The following EPHA7 variants were observed in gnomAD, a reference collection of about 807,000 sequenced individuals.
EPHA7 encodes EPH receptor A7, also known as ephrin type-A receptor 7.
In EPHA7, 25 loss-of-function variants were observed where a neutral mutation model predicts 112.6. That is an observed-to-expected ratio of 0.22 (90% CI 0.16 to 0.31). The LOEUF (loss-of-function observed/expected upper bound fraction) is 0.31, where lower values mean the gene tolerates loss of function less well. Among genes scored for constraint, EPHA7 ranks in the 10% least tolerant of loss-of-function variants. The probability of loss-of-function intolerance (pLI) is 1.00; values close to 1 mark genes in which losing one functional copy is unlikely to be tolerated. For missense variants in EPHA7, 962 were observed against 1,212.6 expected, an observed-to-expected ratio of 0.79 and a Z score of 3.07; for synonymous variants, 437 against 406.5, an observed-to-expected ratio of 1.07 and a Z score of -0.90.
At position 93,254,809 on chromosome 6, in the gene EPHA7, G is replaced by T. The variant is rs1160890427; in HGVS notation, c.2383-13C>A. On this transcript the variant is annotated splice_polypyrimidine_tract_variant and intron_variant, in intron 13 of 16. Transcript: ENST00000369303. The stretch of plus-strand genomic sequence containing the variant: ...GAATTTTTCCACCCTGTTATAAAAA[G>T]AAATGAACATTTTAAATATGTATAA... 4 of 1,604,714 alleles carry T rather than the reference G, an allele frequency of 2.5e-6. No homozygotes were observed. Among genetic ancestry groups the T allele is most frequent in the Non-Finnish European group, 3.4e-6 (4 of 1,174,558 alleles).
chr6:93,407,931 C>G (rs1051840121), intron 3 of EPHA7, among the ~76,000 whole-genome samples: 2 of 151,808 alleles, frequency 1.3e-5, no homozygotes, highest in East Asian at 3.9e-4. Flanking sequence ...TTTAAGACTG[C>G]TTTTCTTACT....
At chr6:93,298,278 C>A (rs2127845968) in intron 5 of EPHA7, among the ~76,000 whole-genome samples, 1 of 152,138 alleles carries the variant, frequency 6.6e-6, no homozygotes, top group Non-Finnish European at 1.5e-5. Flanking sequence ...ACATTGTAAA[C>A]AAACCATAAT....
At chr6:93,418,608 G>T (rs1236884405) in intron 1 of EPHA7, among the ~76,000 whole-genome samples, 1 of 152,182 alleles carries the variant, frequency 6.6e-6, no homozygotes, top group African/African-American at 2.4e-5. Flanking sequence ...CCCGGCCCTC[G>T]GGTCGCGCGC....
rs534419644 is a variant in EPHA7, at chr6:93,390,879, A to C, written c.832+19622T>G. ...TTAATCTGTAAACAAAAAGCACTCA[A>C]GAAATGTTGATTGAACTAAATTGAA... On this transcript the variant is annotated intron_variant, in intron 3 of 16. Transcript: ENST00000369303. Among the ~76,000 whole-genome samples, 629 of 152,070 alleles carry C rather than the reference A, an allele frequency of 4.1e-3. 4 individuals carry two copies. The highest frequency in any genetic ancestry group is 0.014 in the African/African-American group (594 of 41,548).
intron 3 of EPHA7, among the ~76,000 whole-genome samples, chr6:93,379,677 A>G (rs12199660): frequency 0.11 from 16,467 of 152,018 alleles, 1,027 homozygotes; most frequent in East Asian, 0.3. Context: ...AGAGCTATTA[A>G]TAATAGCAGA....
At chr6:93,357,862 C>T (rs989156369) in intron 4 of EPHA7, among the ~76,000 whole-genome samples, 13 of 152,048 alleles carry the variant, frequency 8.5e-5, no homozygotes, top group African/African-American at 3.1e-4. Flanking sequence ...CCATGTTGGC[C>T]AGGCTAGTCT....
At chr6:93,382,050 T>C (rs1374195401) in intron 3 of EPHA7, among the ~76,000 whole-genome samples, 3 of 152,208 alleles carry the variant, frequency 2.0e-5, no homozygotes, top group African/African-American at 7.2e-5. Flanking sequence ...GTACACATTA[T>C]ACCAATCCAA....
At position 93,391,483 on chromosome 6, in the gene EPHA7, G is replaced by A. The variant is rs1215083339; in HGVS notation, c.832+19018C>T. On this transcript the variant is annotated intron_variant, in intron 3 of 16. Transcript: ENST00000369303. ...GAACATAACCTCTTCTCATGTGGACGTTGATGCTTCCATAGAAAAGGACAG... is the reference window on the plus strand; with the variant it reads ...GAACATAACCTCTTCTCATGTGGACATTGATGCTTCCATAGAAAAGGACAG... Among the ~76,000 whole-genome samples the A allele has an allele frequency of 4.6e-5, 7 of 151,876 alleles. No individual in the cohort carries two copies. The East Asian group carries it at 7.7e-4, about 17-fold the overall frequency.
At chr6:93,304,629 T>C (rs1374110970) in intron 5 of EPHA7, among the ~76,000 whole-genome samples, 1 of 152,118 alleles carries the variant, frequency 6.6e-6, no homozygotes, top group Non-Finnish European at 1.5e-5. Flanking sequence ...TGAAGGCCAT[T>C]GTTTTATAGG....
intron 3 of EPHA7, chr6:93,409,671 T>A (rs891366626): frequency 4.6e-5 from 7 of 151,876 alleles, no homozygotes; most frequent in African/African-American, 9.7e-5. Flanking sequence ...ACTTTATAAT[T>A]TATTTTCATG....
intron 2 of EPHA7, among the ~76,000 whole-genome samples, chr6:93,412,501 G>A (rs946956303): frequency 6.6e-6 from 1 of 152,006 alleles, no homozygotes; most frequent in South Asian, 2.1e-4. Flanking sequence ...GTTATACACA[G>A]TCTAATACCA....
Position 93,399,476 on chromosome 6 carries a change from A to G in EPHA7, c.832+11025T>C, listed in dbSNP as rs117124532. Among the ~76,000 whole-genome samples the G allele has an allele frequency of 5.5e-3, 833 of 152,238 alleles. 5 individuals are homozygous for G. Among genetic ancestry groups the G allele is most frequent in the Non-Finnish European group, 1.0e-2 (678 of 67,994 alleles). On this transcript the variant is annotated intron_variant, in intron 3 of 16. Transcript: ENST00000369303. ...TATTTTTAAAATGTGAAATAATTCAATAATATTCTACAGGATTTTTTAGCC... is the reference window on the plus strand; with the variant it reads ...TATTTTTAAAATGTGAAATAATTCAGTAATATTCTACAGGATTTTTTAGCC...
intron 5 of EPHA7, among the ~76,000 whole-genome samples, chr6:93,320,303 C>T (rs983496246): frequency 2.6e-5 from 4 of 152,054 alleles, no homozygotes; most frequent in African/African-American, 9.6e-5. Flanking sequence ...GCAGATTTAA[C>T]AAAAGCTTAG....
intron 5 of EPHA7, among the ~76,000 whole-genome samples, chr6:93,349,239 C>CTA (rs925376646): frequency 4.6e-5 from 7 of 151,462 alleles, no homozygotes; most frequent in East Asian, 1.9e-4. Flanking sequence ...GTAAATGTAT[C>CTA]TATATATATA....
chr6:93,353,093 G>T (rs191469787), intron 5 of EPHA7, among the ~76,000 whole-genome samples: 9 of 151,928 alleles, frequency 5.9e-5, no homozygotes, highest in African/African-American at 2.2e-4. Context: ...TAACATAAAA[G>T]GTTAAAAAAG....
chr6:93,418,609 G>A (rs1200540444), intron 1 of EPHA7, among the ~76,000 whole-genome samples: 1 of 152,214 alleles, frequency 6.6e-6, no homozygotes, highest in African/African-American at 2.4e-5. Flanking sequence ...CCGGCCCTCG[G>A]GTCGCGCGCC....
At chr6:93,362,319 TAA>T (rs912610581) in intron 3 of EPHA7, among the ~76,000 whole-genome samples, 3 of 152,092 alleles carry the variant, frequency 2.0e-5, no homozygotes, top group Admixed American at 1.3e-4. Flanking sequence ...TACAACACAT[TAA>T]GTCATAAGAT....
intron 3 of EPHA7, among the ~76,000 whole-genome samples, chr6:93,361,658 A>G (rs886393124): frequency 6.6e-6 from 1 of 152,074 alleles, no homozygotes; most frequent in Non-Finnish European, 1.5e-5. Context: ...GGAAACTACT[A>G]GTAAAAAGTC....
chr6:93,415,767 C>G (rs1779191066), intron 1 of EPHA7, among the ~76,000 whole-genome samples: 1 of 151,924 alleles, frequency 6.6e-6, no homozygotes. Context: ...TTAAGTATGT[C>G]AATAGGCTTA....
Sources: allele counts gnomAD v4.1 joint callset (sites outside exome capture counted in the v4.1 genomes callset), GRCh38; gene constraint gnomAD v4.1.1; transcripts MANE v1.5; gene names NCBI Gene and HGNC (gene_info 2026-07-23, HGNC 2026-07-21).